The following GPC6 variants were observed in gnomAD, a reference collection of about 807,000 sequenced individuals.
GPC6 encodes glypican 6, also known as glypican-6.
A neutral mutation model predicts 55.2 loss-of-function variants in GPC6; 14 were observed. The ratio of observed to expected loss-of-function variants is 0.25; its 90% CI spans 0.17 to 0.40. The LOEUF (loss-of-function observed/expected upper bound fraction) is 0.40, where lower values mean the gene tolerates loss of function less well. Among genes scored for constraint, GPC6 ranks in the 10% least tolerant of loss-of-function variants. The probability of loss-of-function intolerance (pLI) is 1.00; values close to 1 mark genes in which losing one functional copy is unlikely to be tolerated. For synonymous variants in GPC6, 278 were observed against 259.6 expected (o/e 1.07, Z -0.68); for missense variants, 641 against 708.5 (o/e 0.90, Z 1.08).
At chr13:93,939,217 T>C (rs1878597783) in intron 3 of GPC6, among the ~76,000 whole-genome samples, 1 of 151,560 alleles carries the variant, frequency 6.6e-6, no homozygotes, top group Non-Finnish European at 1.5e-5. Flanking sequence ...TGGACATGCC[T>C]GAATAGTTTA....
At chr13:93,642,785 C>G (rs1475856421) in intron 2 of GPC6, among the ~76,000 whole-genome samples, 1 of 152,050 alleles carries the variant, frequency 6.6e-6, no homozygotes, top group East Asian at 1.9e-4. Flanking sequence ...AAAAATGAAG[C>G]ATAATTTACT....
intron 2 of GPC6, among the ~76,000 whole-genome samples, chr13:93,590,667 T>C (rs1242865885): frequency 1.3e-5 from 2 of 152,162 alleles, no homozygotes; most frequent in Non-Finnish European, 2.9e-5. Flanking sequence ...TACAATTATG[T>C]CAGTTACTTA....
intron 6 of GPC6, among the ~76,000 whole-genome samples, chr13:94,372,586 G>A (rs1458931036): frequency 3.2e-4 from 48 of 152,280 alleles, no homozygotes; most frequent in African/African-American, 9.9e-4. Flanking sequence ...CTCGCTGATT[G>A]CTAGCACAGC....
At chr13:94,240,454 G>A (rs191950398) in intron 4 of GPC6, among the ~76,000 whole-genome samples, 1 of 152,178 alleles carries the variant, frequency 6.6e-6, no homozygotes, top group East Asian at 1.9e-4. Context: ...AAGGTCTAAA[G>A]CCGTAAGGAT....
chr13:93,416,601 A>G (rs1012740481), intron 1 of GPC6, among the ~76,000 whole-genome samples: 4 of 152,138 alleles, frequency 2.6e-5, no homozygotes, highest in Non-Finnish European at 5.9e-5. Flanking sequence ...ATTATTGGCT[A>G]CAGTGACCTG....
At chr13:93,505,014 A>T (rs1288869391) in intron 1 of GPC6, among the ~76,000 whole-genome samples, 3 of 152,218 alleles carry the variant, frequency 2.0e-5, no homozygotes, top group Non-Finnish European at 4.4e-5. Flanking sequence ...TAATGGGCCA[A>T]TGTAATAATA....
intron 3 of GPC6, among the ~76,000 whole-genome samples, chr13:93,982,983 G>A (rs1880872382): frequency 1.3e-5 from 2 of 152,120 alleles, no homozygotes; most frequent in Non-Finnish European, 1.5e-5. Flanking sequence ...TTGATGGGCT[G>A]GATTTGGCAA....
intron 1 of GPC6, among the ~76,000 whole-genome samples, chr13:93,309,761 A>G (rs1243855872): frequency 1.3e-5 from 2 of 152,222 alleles, no homozygotes; most frequent in African/African-American, 4.8e-5. Context: ...GTGGGGATAT[A>G]ATGTACGTAG....
intron 1 of GPC6, among the ~76,000 whole-genome samples, chr13:93,541,642 A>C (rs1882306535): frequency 8.3e-6 from 1 of 121,110 alleles, no homozygotes; most frequent in Non-Finnish European, 1.7e-5. Context: ...CAGTCCCACC[A>C]ACAGTGTAAA....
At chr13:93,497,952 G>A (rs1241157341) in intron 1 of GPC6, among the ~76,000 whole-genome samples, 1 of 152,210 alleles carries the variant, frequency 6.6e-6, no homozygotes, top group South Asian at 2.1e-4. Context: ...TCTCAGATGT[G>A]TTGGGGTAGA....
chr13:93,820,922 C>T (rs1048070599), intron 2 of GPC6, among the ~76,000 whole-genome samples: 1 of 152,068 alleles, frequency 6.6e-6, no homozygotes, highest in Non-Finnish European at 1.5e-5. Flanking sequence ...TTTCAGAGCA[C>T]ATTTTAACAT....
intron 2 of GPC6, among the ~76,000 whole-genome samples, chr13:93,747,468 T>G (rs1884434007): frequency 6.6e-6 from 1 of 152,156 alleles, no homozygotes. Flanking sequence ...TCCAGCCTCA[T>G]CAGAAGAGAG....
chr13:93,567,545 G>A (rs1012765278), intron 2 of GPC6, among the ~76,000 whole-genome samples: 11 of 151,496 alleles, frequency 7.3e-5, no homozygotes, highest in African/African-American at 2.2e-4. Context: ...GGATGGTCTC[G>A]ATCTCCTGAC....
At chr13:94,129,899 A>G (rs916692420) in intron 4 of GPC6, among the ~76,000 whole-genome samples, 2 of 152,184 alleles carry the variant, frequency 1.3e-5, no homozygotes, top group Admixed American at 1.3e-4. Context: ...AATGGAAAGT[A>G]TAATGAACCA....
intron 3 of GPC6, among the ~76,000 whole-genome samples, chr13:93,876,880 T>C (rs1160062247): frequency 2.6e-5 from 4 of 152,088 alleles, no homozygotes; most frequent in Non-Finnish European, 5.9e-5. Flanking sequence ...TGCACAGGCA[T>C]GTAAGCCTCC....
At chr13:94,302,989 G>A (rs1875736781) in intron 5 of GPC6, among the ~76,000 whole-genome samples, 1 of 152,230 alleles carries the variant, frequency 6.6e-6, no homozygotes, top group Non-Finnish European at 1.5e-5. Flanking sequence ...CCCATCTGGA[G>A]CGGCAAGGGG....
intron 5 of GPC6, among the ~76,000 whole-genome samples, chr13:94,290,307 G>T (rs1222766271): frequency 6.6e-6 from 1 of 151,694 alleles, no homozygotes; most frequent in Non-Finnish European, 1.5e-5. Flanking sequence ...TGTAGTCCCA[G>T]CTTCTTGGGA....
intron 4 of GPC6, among the ~76,000 whole-genome samples, chr13:94,135,820 C>T (rs749045614): frequency 3.7e-4 from 57 of 152,198 alleles, no homozygotes; most frequent in Non-Finnish European, 7.2e-4. Context: ...TGGTTAAGCA[C>T]TGAGCCACCA....
chr13:93,987,615 T>C (rs1340321100), intron 3 of GPC6, among the ~76,000 whole-genome samples: 2 of 152,182 alleles, frequency 1.3e-5, no homozygotes, highest in African/African-American at 4.8e-5. Flanking sequence ...AGTGTCACTT[T>C]CCTATGTGTG....
Sources: allele counts gnomAD v4.1 joint callset (sites outside exome capture counted in the v4.1 genomes callset), GRCh38; gene constraint gnomAD v4.1.1; transcripts MANE v1.5; gene names NCBI Gene and HGNC (gene_info 2026-07-23, HGNC 2026-07-21).